Variants in GAREM1 observed in about 807,000 individuals in gnomAD.
GAREM1 encodes the protein GRB2-associated and regulator of MAPK protein 1.
In GAREM1, 26 loss-of-function variants were observed where a neutral mutation model predicts 71.3. That is an observed-to-expected ratio of 0.36 (90% CI 0.27 to 0.51). The LOEUF is 0.51. GAREM1 is among the 20% of genes least tolerant of loss of function. The pLI is 0.95. For missense variants in GAREM1, 1,026 were observed against 1,103.1 expected (o/e 0.93, Z 0.99); for synonymous variants, 440 against 433.2 (o/e 1.02, Z -0.20).
At chr18:32,337,329 C>G (rs2047606231) in intron 2 of GAREM1, among the ~76,000 whole-genome samples, 1 of 152,168 alleles carries the variant, frequency 6.6e-6, no homozygotes, top group African/African-American at 2.4e-5. Flanking sequence ...CCTGGCAAAA[C>G]AAAGCAGATG....
chr18:32,340,473 C>T (rs2047637189), intron 2 of GAREM1, among the ~76,000 whole-genome samples: 1 of 151,948 alleles, frequency 6.6e-6, no homozygotes, highest in African/African-American at 2.4e-5. Context: ...GACTCGGGTC[C>T]AGAAAGAAAG....
At chr18:32,363,535 C>A (rs946724943) in intron 2 of GAREM1, among the ~76,000 whole-genome samples, 2 of 152,060 alleles carry the variant, frequency 1.3e-5, no homozygotes, top group Non-Finnish European at 2.9e-5. Context: ...GGTGAAAAAT[C>A]CTTTTTGAAC....
In GAREM1 at chr18:32,398,879, G is replaced by C. The variant is rs369078683; in HGVS notation, c.122-5844C>G. ...GACACAACAAAAAAAGAGAATTTTA[G>C]ACCAATATCCTGATGAACATTGATG... On this transcript the variant is annotated intron_variant, in intron 1 of 5. Transcript: ENST00000269209. Among the ~76,000 whole-genome samples the C allele has an allele frequency of 9.2e-5, 14 of 152,140 alleles. No individual in the cohort carries two copies. In the East Asian group the frequency reaches 1.2e-3, roughly 13 times the overall value.
chr18:32,336,346 C>T (rs768562485), intron 2 of GAREM1, among the ~76,000 whole-genome samples: 2 of 149,882 alleles, frequency 1.3e-5, no homozygotes, highest in African/African-American at 2.5e-5. Context: ...AGGAGAATGG[C>T]GTGAACCCGG....
intron 2 of GAREM1, among the ~76,000 whole-genome samples, chr18:32,384,378 G>C (rs991044910): frequency 1.3e-5 from 2 of 152,186 alleles, no homozygotes; most frequent in African/African-American, 4.8e-5. Flanking sequence ...CAAGGATGGA[G>C]GCAGAGTGGT....
At chr18:32,364,025 TATG>T (rs1442395659) in intron 2 of GAREM1, among the ~76,000 whole-genome samples, 13 of 73,502 alleles carry the variant, frequency 1.8e-4, no homozygotes, top group African/African-American at 5.0e-4. Context: ...TATATATATA[TATG>T]TTTTTTTTTT....
intron 3 of GAREM1, 152 bp downstream of exon 3, chr18:32,310,041 C>G: frequency 3.0e-6 from 2 of 676,338 alleles, no homozygotes; most frequent in East Asian, 5.7e-5. Context: ...GTCAGGTCAG[C>G]TACAATATAT....
chr18:32,269,816 T>C (rs1295285134), intron 5 of GAREM1, among the ~76,000 whole-genome samples: 1 of 152,066 alleles, frequency 6.6e-6, no homozygotes, highest in Admixed American at 6.6e-5. Flanking sequence ...AAATTCAGAG[T>C]AGATAGCCAA....
At chr18:32,336,096 T>C (rs1173881142) in intron 2 of GAREM1, among the ~76,000 whole-genome samples, 1 of 152,214 alleles carries the variant, frequency 6.6e-6, no homozygotes, top group Non-Finnish European at 1.5e-5. Flanking sequence ...TTTCGTTATC[T>C]GTAAACAAAC....
intron 2 of GAREM1, among the ~76,000 whole-genome samples, chr18:32,383,511 C>T (rs555436887): frequency 1.3e-5 from 2 of 152,280 alleles, no homozygotes; most frequent in Admixed American, 6.5e-5. Context: ...TAAAAAAGAA[C>T]CTTTTAAAAG....
chr18:32,302,260 T>C (rs943887790), intron 3 of GAREM1, among the ~76,000 whole-genome samples: 3 of 152,172 alleles, frequency 2.0e-5, no homozygotes, highest in Non-Finnish European at 2.9e-5. Context: ...TGTTTCTCAG[T>C]TTTCATATTT....
intron 2 of GAREM1, among the ~76,000 whole-genome samples, chr18:32,324,683 A>G (rs1016959824): frequency 6.6e-6 from 1 of 152,232 alleles, no homozygotes; most frequent in Non-Finnish European, 1.5e-5. Flanking sequence ...GACACAAAGT[A>G]AAATAAAAAC....
intron 1 of GAREM1, among the ~76,000 whole-genome samples, chr18:32,397,430 T>A (rs548605051): frequency 5.6e-4 from 86 of 152,216 alleles, no homozygotes; most frequent in Middle Eastern, 3.4e-3. Flanking sequence ...GAGACACACA[T>A]AAGCTCAAAA....
Position 32,470,040 on chromosome 18 carries a change from G to T in GAREM1, c.121+268C>A, listed in dbSNP as rs1175562084. ...AGGGATATCTGGCGTCCAAGATTAC[G>T]ATCTGCAGAGGTCTCCCTATGTTGA... is the stretch of plus-strand genomic sequence containing the variant. On this transcript the variant is annotated intron_variant, in intron 1 of 5. Coordinates refer to ENST00000269209, the MANE Select transcript of GAREM1 (RefSeq NM_001242409.2). The surrounding 1 kb of genome is among the most constrained non-coding windows in gnomAD (Gnocchi z 4.4). 2.6e-5 allele frequency among the ~76,000 whole-genome samples: 4 copies of T among 152,058 alleles called. No homozygotes were observed. The highest frequency in any genetic ancestry group is 2.1e-4 in the South Asian group (1 of 4,820).
At chr18:32,456,228 A>G (rs1423944266) in intron 1 of GAREM1, among the ~76,000 whole-genome samples, 1 of 152,182 alleles carries the variant, frequency 6.6e-6, no homozygotes, top group Non-Finnish European at 1.5e-5. Flanking sequence ...ATATACAGAT[A>G]GCATCTAGAA....
intron 1 of GAREM1, among the ~76,000 whole-genome samples, chr18:32,438,006 C>T (rs1462919009): frequency 6.6e-6 from 1 of 152,030 alleles, no homozygotes; most frequent in African/African-American, 2.4e-5. Context: ...ATAACCCAAC[C>T]CCAGCACCTC....
chr18:32,310,475 C>T (rs2047308715), intron 2 of GAREM1, 152 bp from the exon 3 acceptor site: 4 of 609,730 alleles, frequency 6.6e-6, no homozygotes, highest in African/African-American at 3.8e-5. Flanking sequence ...ATGGGAGGTT[C>T]CATTAAACTA....
intron 2 of GAREM1, among the ~76,000 whole-genome samples, chr18:32,379,069 T>C (rs2048068073): frequency 6.6e-6 from 1 of 152,112 alleles, no homozygotes; most frequent in Non-Finnish European, 1.5e-5. Flanking sequence ...CTTCACCACC[T>C]GTAGATGGTA....
intron 3 of GAREM1, among the ~76,000 whole-genome samples, chr18:32,296,649 T>C (rs976537121): frequency 3.3e-5 from 5 of 152,074 alleles, no homozygotes; most frequent in African/African-American, 1.2e-4. Context: ...GGCTTTCTTT[T>C]TCCATAGGAC....
Sources: allele counts gnomAD v4.1 joint callset (sites outside exome capture counted in the v4.1 genomes callset), GRCh38; gene constraint gnomAD v4.1.1; non-coding constraint Gnocchi (gnomAD v3.1); transcripts MANE v1.5; gene names NCBI Gene and HGNC (gene_info 2026-07-23, HGNC 2026-07-21).